THSD7A: variants seen among roughly 807,000 people sequenced by gnomAD.
THSD7A encodes the protein thrombospondin type-1 domain-containing protein 7A.
In THSD7A, 96 loss-of-function variants were observed where a neutral mutation model predicts 231.3. The ratio of observed to expected loss-of-function variants is 0.41; its 90% CI spans 0.35 to 0.49. The LOEUF (loss-of-function observed/expected upper bound fraction) is 0.49, where lower values mean the gene tolerates loss of function less well. Ranked by LOEUF, THSD7A falls within the 20% of genes least tolerant of loss-of-function variation. THSD7A has a pLI of 0.05. For synonymous variants in THSD7A, 940 were observed against 743.3 expected (o/e 1.26, Z -4.30); for missense variants, 2,290 against 2,070.2 (o/e 1.11, Z -2.06).
At chr7:11,552,035 G>C (rs1264257611) in intron 4 of THSD7A, among the ~76,000 whole-genome samples, 2 of 152,070 alleles carry the variant, frequency 1.3e-5, no homozygotes, top group African/African-American at 4.8e-5. Context: ...TGGACCTGGA[G>C]GCCATTATCC....
At chr7:11,768,935 G>GGTTTT (rs78762361) in intron 1 of THSD7A, among the ~76,000 whole-genome samples, 1 of 147,866 alleles carries the variant, frequency 6.8e-6, no homozygotes, top group African/African-American at 2.5e-5. Flanking sequence ...TCCATTTAAT[G>GGTTTT]GTTTTGTTTT....
chr7:11,819,752 A>G (rs1784813022), intron 1 of THSD7A, among the ~76,000 whole-genome samples: 2 of 152,180 alleles, frequency 1.3e-5, no homozygotes, highest in South Asian at 4.1e-4. Flanking sequence ...ATATCTCTAC[A>G]TATCTGTTAA....
At chr7:11,540,411 T>C (rs977033976) in intron 6 of THSD7A, among the ~76,000 whole-genome samples, 1 of 152,220 alleles carries the variant, frequency 6.6e-6, no homozygotes, top group Non-Finnish European at 1.5e-5. Flanking sequence ...GAAACAATTC[T>C]GCTTACTGGA....
At chr7:11,826,866 A>C (rs1785047267) in intron 1 of THSD7A, among the ~76,000 whole-genome samples, 1 of 151,772 alleles carries the variant, frequency 6.6e-6, no homozygotes, top group Non-Finnish European at 1.5e-5. Context: ...TAGTAACATT[A>C]GTTATTCATC....
At chr7:11,705,869 C>A (rs1483075727) in intron 1 of THSD7A, among the ~76,000 whole-genome samples, 1 of 150,852 alleles carries the variant, frequency 6.6e-6, no homozygotes, top group Non-Finnish European at 1.5e-5. Context: ...CAACACCTAT[C>A]ACAAAGAAGG....
chr7:11,605,113 T>A (rs1175939401), intron 2 of THSD7A, among the ~76,000 whole-genome samples: 1 of 152,134 alleles, frequency 6.6e-6, no homozygotes, highest in Admixed American at 6.6e-5. Context: ...TAAATCATGT[T>A]TGAAAATGCT....
chr7:11,779,974 A>G (rs1205146651), intron 1 of THSD7A, among the ~76,000 whole-genome samples: 1 of 152,216 alleles, frequency 6.6e-6, no homozygotes, highest in Non-Finnish European at 1.5e-5. Context: ...TAAGGCTGCT[A>G]TAACAAATTG....
chr7:11,746,979 G>C (rs955674027), intron 1 of THSD7A, among the ~76,000 whole-genome samples: 1 of 151,766 alleles, frequency 6.6e-6, no homozygotes, highest in Non-Finnish European at 1.5e-5. Context: ...TCACTCACAT[G>C]TGAGCATATC....
At chr7:11,662,659 T>A (rs574143494) in intron 1 of THSD7A, among the ~76,000 whole-genome samples, 154 of 151,498 alleles carry the variant, frequency 1.0e-3, no homozygotes, top group South Asian at 1.7e-3. Context: ...AGATTGGTCA[T>A]CTGCTGGCTT....
chr7:11,709,400 G>C (rs35436991), intron 1 of THSD7A, among the ~76,000 whole-genome samples: 1 of 150,456 alleles, frequency 6.6e-6, no homozygotes, highest in Admixed American at 6.7e-5. Context: ...CTGAGTGTCA[G>C]GGCTGCTATG....
rs1554296552 is a variant in THSD7A, at chr7:11,373,077, G to GTGTATA, written c.*2716_*2717insTATACA. On this transcript the variant is annotated 3_prime_UTR_variant, in exon 28 of 28. Coordinates refer to ENST00000423059, the MANE Select transcript of THSD7A (RefSeq NM_015204.3). ...TATATGGGTGTGTGTGTGTGTGTGT[G>GTGTATA]TATATATATATATGCATGCATATAT... is the stretch of plus-strand genomic sequence containing the variant. 2.0e-5 allele frequency: 3 copies of GTGTATA among 149,446 alleles called. No homozygotes were observed. Among genetic ancestry groups the GTGTATA allele is most frequent in the African/African-American group, 7.4e-5 (3 of 40,548 alleles). The allele number at this position is 149,446 out of a possible 1,614,324, so 9.3% of individuals were successfully genotyped here.
chr7:11,729,907 T>TTAAA (rs1156483111), intron 1 of THSD7A, among the ~76,000 whole-genome samples: 1 of 151,690 alleles, frequency 6.6e-6, no homozygotes. Context: ...TTAGATGCAT[T>TTAAA]TGCTTAAAGT....
Position 11,528,553 on chromosome 7 carries a change from C to A in THSD7A, c.1822+12866G>T, listed in dbSNP as rs954919879. Among the ~76,000 whole-genome samples the A allele has an allele frequency of 2.0e-5, 3 of 152,264 alleles. 1 individual carries two copies. Among genetic ancestry groups the A allele is most frequent in the Admixed American group, 6.5e-5 (1 of 15,270 alleles). On this transcript the variant is annotated intron_variant, in intron 6 of 27. Coordinates refer to ENST00000423059, the MANE Select transcript of THSD7A (RefSeq NM_015204.3). ...GAAACAATGTTGAGGAGGCAAGCAG[C>A]ACAATGTATATTAATCTTCTATAAT... is the stretch of plus-strand genomic sequence containing the variant.
chr7:11,789,953 G>A (rs760640513), intron 1 of THSD7A, among the ~76,000 whole-genome samples: 4 of 151,870 alleles, frequency 2.6e-5, no homozygotes, highest in Non-Finnish European at 5.9e-5. Context: ...TCTGGAGAAA[G>A]TAATTTTGTG....
At chr7:11,812,157 G>T (rs1294803314) in intron 1 of THSD7A, among the ~76,000 whole-genome samples, 5 of 151,416 alleles carry the variant, frequency 3.3e-5, no homozygotes, top group Non-Finnish European at 7.4e-5. Flanking sequence ...CAGAGAGAGA[G>T]ATATGGGGAG....
Position 11,703,466 on chromosome 7 carries a change from T to C in THSD7A, c.191-66505A>G, listed in dbSNP as rs534025313. 4.0e-5 allele frequency among the ~76,000 whole-genome samples: 6 copies of C among 151,382 alleles called. No individual in the cohort carries two copies. The South Asian group carries it at 1.0e-3, about 26-fold the overall frequency. ...GTATAGATCCAATGTCATAGCTTTG[T>C]CATTGTATTTCCTCTCTCATTAATC... is the stretch of plus-strand genomic sequence containing the variant. On this transcript the variant is annotated intron_variant, in intron 1 of 27. Transcript: ENST00000423059.
chr7:11,728,385 T>C (rs1233276471), intron 1 of THSD7A, among the ~76,000 whole-genome samples: 3 of 151,776 alleles, frequency 2.0e-5, no homozygotes, highest in Non-Finnish European at 4.4e-5. Flanking sequence ...AAGGCAGGAG[T>C]ATATAATCTA....
intron 13 of THSD7A, among the ~76,000 whole-genome samples, chr7:11,438,870 G>T (rs1237152941): frequency 6.6e-6 from 1 of 151,836 alleles, no homozygotes; most frequent in East Asian, 1.9e-4. Context: ...AATAAACCTA[G>T]AACCCTCTTA....
At chr7:11,700,584 G>A (rs948682680) in intron 1 of THSD7A, among the ~76,000 whole-genome samples, 1 of 151,186 alleles carries the variant, frequency 6.6e-6, no homozygotes, top group Non-Finnish European at 1.5e-5. Context: ...GGATAAAATT[G>A]TAGTTGGAGT....
Sources: gnomAD v4.1 joint callset for allele counts (sites outside exome capture counted in the v4.1 genomes callset) on GRCh38, gnomAD v4.1.1 for gene constraint, MANE v1.5 for transcripts, NCBI Gene and HGNC (gene_info 2026-07-23, HGNC 2026-07-21) for gene names.